The following RIN3 variants were observed in gnomAD, a reference collection of about 807,000 sequenced individuals.
RIN3 encodes RAB5 interacting protein 3.
Under a neutral mutation model 76.3 loss-of-function variants are expected in RIN3, and 54 were observed. That is an observed-to-expected ratio of 0.71 (90% CI 0.57 to 0.89). The LOEUF (loss-of-function observed/expected upper bound fraction) is 0.89, where lower values mean the gene tolerates loss of function less well. Among genes scored for constraint, RIN3 ranks in the 40% least tolerant of loss-of-function variants. The pLI, the probability that RIN3 is intolerant of heterozygous loss-of-function variation, is 0.00. For missense variants in RIN3, 1,256 were observed against 1,322.1 expected, an observed-to-expected ratio of 0.95 and a Z score of 0.78; for synonymous variants, 576 against 564.0, an observed-to-expected ratio of 1.02 and a Z score of -0.30.
intron 4 of RIN3, among the ~76,000 whole-genome samples, chr14:92,625,508 G>T (rs939328999): frequency 7.2e-5 from 11 of 152,286 alleles, no homozygotes; most frequent in African/African-American, 2.6e-4. Flanking sequence ...GGAGGGGAAT[G>T]GCTTCAACTC....
intron 4 of RIN3, among the ~76,000 whole-genome samples, chr14:92,635,545 G>A (rs928878263): frequency 6.6e-6 from 1 of 152,174 alleles, no homozygotes; most frequent in Non-Finnish European, 1.5e-5. Context: ...ATCTAGGAAT[G>A]TATTCAATAG....
intron 2 of RIN3, 184 bp from the exon 3 acceptor site, chr14:92,577,176 G>A: frequency 1.9e-6 from 1 of 537,340 alleles, no homozygotes; most frequent in South Asian, 2.1e-5. Context: ...CCTCAATGTG[G>A]ATGTGGGCCA....
Position 92,605,420 on chromosome 14 carries a change from G to A in RIN3, c.368-9987G>A, listed in dbSNP as rs1461806588. 2.0e-5 allele frequency among the ~76,000 whole-genome samples: 3 copies of A among 152,240 alleles called. No individual in the cohort carries two copies. The East Asian group carries it at 5.8e-4, about 29-fold the overall frequency. ...GGTTAACAAAGCTGTCTGCTAAAAT[G>A]AAAGATTGGGTTTGTGTTTCACAAG... On this transcript the variant is annotated intron_variant, in intron 3 of 9. Transcript: ENST00000216487.
intron 3 of RIN3, among the ~76,000 whole-genome samples, chr14:92,613,184 C>G (rs1407337441): frequency 1.3e-5 from 2 of 152,194 alleles, no homozygotes; most frequent in Non-Finnish European, 2.9e-5. Context: ...GAACCTCTGT[C>G]TCCCCTCTCT....
chr14:92,633,086 G>T (rs925812428), intron 4 of RIN3, among the ~76,000 whole-genome samples: 2 of 152,204 alleles, frequency 1.3e-5, no homozygotes, highest in Non-Finnish European at 2.9e-5. Context: ...GGCCCTATGC[G>T]GAGGTGACTG....
chr14:92,528,417 C>G (rs907127145), intron 1 of RIN3, among the ~76,000 whole-genome samples: 13 of 152,198 alleles, frequency 8.5e-5, no homozygotes, highest in South Asian at 4.1e-4. Flanking sequence ...AAATGACAGC[C>G]TCTAATTCAG....
rs1478269169 is a variant in RIN3 at position 92,648,807 on chromosome 14, G to T, written c.533-2775G>T. Among the ~76,000 whole-genome samples the T allele has an allele frequency of 6.6e-6, 1 of 152,010 alleles. No individual in the cohort carries two copies. The highest frequency in any genetic ancestry group is 1.5e-5 in the Non-Finnish European group (1 of 68,042). ...ATATCAGAGCTGCAGGAACACAGGC[G>T]GGGTGGGCAAGGCCTGAGCACATCA... On this transcript the variant is annotated intron_variant, in intron 5 of 9. Coordinates refer to ENST00000216487, the MANE Select transcript of RIN3 (RefSeq NM_024832.5). The surrounding 1 kb of genome is among the most constrained non-coding windows in gnomAD (Gnocchi z 4.1).
intron 4 of RIN3, among the ~76,000 whole-genome samples, chr14:92,626,685 C>G (rs1231159117): frequency 6.6e-6 from 1 of 152,068 alleles, no homozygotes; most frequent in East Asian, 1.9e-4. Flanking sequence ...ATAGGAGTAG[C>G]AGAAGGATCT....
Position 92,681,429 on chromosome 14 carries a change from T to C in RIN3, c.2468-3558T>C, listed in dbSNP as rs1185924556. 6.6e-6 allele frequency among the ~76,000 whole-genome samples: 1 copy of C among 152,250 alleles called. No homozygotes were observed. Among genetic ancestry groups the C allele is most frequent in the East Asian group, 1.9e-4 (1 of 5,206 alleles). Reference sequence around the variant, plus strand: ...CCTCCCTGAGGCCTCATAGCCACCATGCGTTATTCACACATTCCGAAGCCC... The same window carrying C: ...CCTCCCTGAGGCCTCATAGCCACCACGCGTTATTCACACATTCCGAAGCCC... On this transcript the variant is annotated intron_variant, in intron 8 of 9. Coordinates refer to ENST00000216487, the MANE Select transcript of RIN3 (RefSeq NM_024832.5). This position sits in a 1 kb window ranked among gnomAD's most constrained non-coding sequence, Gnocchi z 4.7.
chr14:92,550,703 G>A (rs1258343860), intron 1 of RIN3, among the ~76,000 whole-genome samples: 4 of 152,192 alleles, frequency 2.6e-5, no homozygotes, highest in South Asian at 2.1e-4. Context: ...GATTACAGGC[G>A]TGAGCCACAG....
chr14:92,552,679 G>A (rs138671264), intron 1 of RIN3, among the ~76,000 whole-genome samples: 63 of 152,188 alleles, frequency 4.1e-4, no homozygotes, highest in African/African-American at 1.4e-3. Context: ...CTGCAGCCAG[G>A]CACTTATTCC....
In RIN3 at chr14:92,685,170, G is replaced by A; in HGVS notation, c.2631+20G>A. 1.3e-6 allele frequency: 2 copies of A among 1,568,796 alleles called. No individual in the cohort carries two copies. The highest frequency in any genetic ancestry group is 2.3e-5 in the East Asian group (1 of 42,814). Reference sequence around the variant, plus strand: ...GTACAGGTGAGGCCTGAGAGCGGGAGGGGCCCGGTGGGGCCATGTCCCAGA... The same window carrying A: ...GTACAGGTGAGGCCTGAGAGCGGGAAGGGCCCGGTGGGGCCATGTCCCAGA... On this transcript the variant is annotated intron_variant, in intron 9 of 9. Transcript: ENST00000216487. This position sits in a 1 kb window ranked among gnomAD's most constrained non-coding sequence, Gnocchi z 4.7.
intron 4 of RIN3, among the ~76,000 whole-genome samples, chr14:92,629,118 AGAGAGAGAGAGAG>A (rs1886465606): frequency 6.8e-4 from 2 of 2,920 alleles, no homozygotes; most frequent in South Asian, 0.018. Flanking sequence ...GGAAAGGAAA[AGAGAGAGAGAGAG>A]AGAGAGAGAG....
At chr14:92,522,685 T>G (rs998582267) in intron 1 of RIN3, among the ~76,000 whole-genome samples, 1 of 152,132 alleles carries the variant, frequency 6.6e-6, no homozygotes, top group Non-Finnish European at 1.5e-5. Context: ...GACCATTTCC[T>G]TGAGATCTGT....
chr14:92,545,427 G>A lies in RIN3; in HGVS notation c.45-10324G>A, dbSNP rs1003434738. On this transcript the variant is annotated intron_variant, in intron 1 of 9. Coordinates refer to ENST00000216487, the MANE Select transcript of RIN3 (RefSeq NM_024832.5). ...GCCCGGCCTAACTTTCTGTTTTGAC[G>A]TGATTTCAGACTGGCAGAAGAGTTA... Among the ~76,000 whole-genome samples, 16 of 152,048 alleles carry A rather than the reference G, an allele frequency of 1.1e-4. No individual in the cohort carries two copies. The East Asian group carries it at 1.7e-3, about 16-fold the overall frequency.
chr14:92,552,242 A>G (rs1555383165), intron 1 of RIN3, among the ~76,000 whole-genome samples: 1 of 152,224 alleles, frequency 6.6e-6, no homozygotes, highest in Non-Finnish European at 1.5e-5. Context: ...AGCCTGGGGC[A>G]GAGTTTCCAC....
At chr14:92,677,469 A>AT (rs754146931) in intron 8 of RIN3, among the ~76,000 whole-genome samples, 58 of 151,748 alleles carry the variant, frequency 3.8e-4, no homozygotes, top group Middle Eastern at 3.4e-3. Context: ...ATCTGTTCGC[A>AT]TTTTTTTTGC....
chr14:92,545,144 C>G (rs1227845689), intron 1 of RIN3, among the ~76,000 whole-genome samples: 2 of 113,748 alleles, frequency 1.8e-5, no homozygotes, highest in Non-Finnish European at 1.6e-5. Context: ...GAGTCTTGCT[C>G]TGTCCCCCAG....
intron 6 of RIN3, among the ~76,000 whole-genome samples, chr14:92,654,321 A>G (rs924856930): frequency 2.4e-5 from 3 of 126,774 alleles, no homozygotes; most frequent in African/African-American, 8.7e-5. Flanking sequence ...TCTAAAAAAA[A>G]AAAAAGAAAA....
Sources: gnomAD v4.1 joint callset for allele counts (sites outside exome capture counted in the v4.1 genomes callset) on GRCh38, gnomAD v4.1.1 for gene constraint, Gnocchi (gnomAD v3.1) non-coding constraint, MANE v1.5 for transcripts, NCBI Gene and HGNC (gene_info 2026-07-23, HGNC 2026-07-21) for gene names.